CFAP46: variants seen among roughly 807,000 people sequenced by gnomAD.
The protein encoded by CFAP46 is cilia and flagella associated protein 46, also known as cilia- and flagella-associated protein 46.
In CFAP46, 245 loss-of-function variants were observed where a neutral mutation model predicts 325.7. The ratio of observed to expected loss-of-function variants is 0.75; its 90% CI spans 0.68 to 0.84. The LOEUF (loss-of-function observed/expected upper bound fraction) is 0.84. Among genes scored for constraint, CFAP46 ranks in the 40% least tolerant of loss-of-function variants. The pLI is 0.00. For synonymous variants in CFAP46, 1,523 were observed against 1,495.9 expected, an observed-to-expected ratio of 1.02 and a Z score of -0.42; for missense variants, 3,346 against 3,543.0, an observed-to-expected ratio of 0.94 and a Z score of 1.41.
chr10:132,853,392 G>C (rs540316352), intron 39 of CFAP46, among the ~76,000 whole-genome samples: 1 of 152,270 alleles, frequency 6.6e-6, no homozygotes, highest in African/African-American at 2.4e-5. Context: ...ACCTTGGCTT[G>C]GTTATGATGT....
chr10:132,825,725 T>C (rs1848034162), intron 50 of CFAP46, among the ~76,000 whole-genome samples: 1 of 151,960 alleles, frequency 6.6e-6, no homozygotes, highest in Non-Finnish European at 1.5e-5. Flanking sequence ...ATATAAACAA[T>C]AAAAATTATA....
At chr10:132,898,910 C>A in intron 24 of CFAP46, 49 bp downstream of exon 24, 1 of 1,545,302 alleles carries the variant, frequency 6.5e-7, no homozygotes, top group South Asian at 1.2e-5. Context: ...CTGGAAGACC[C>A]ACTAGAGGCC....
In CFAP46 at chr10:132,811,015, G is replaced by A. The variant is rs1299979600; in HGVS notation, c.7518C>T (p.Val2506=). The change falls in exon 56 of 58, where the codon GTC becomes GTT. Residue 2506 remains valine, a synonymous_variant. Coordinates refer to ENST00000368586, the MANE Select transcript of CFAP46 (RefSeq NM_001200049.3). ...GGTAGGACCGCGCCAGGTCCAGCAG[G>A]ACTGCCACCTGGCACTCTGCCGGGA... ...AMNLQECQVA[V]LLDLARSYQS... 6.2e-7 allele frequency: 1 copy of A among 1,602,172 alleles called. No homozygotes were observed. The highest frequency in any genetic ancestry group is 8.5e-7 in the Non-Finnish European group (1 of 1,174,880).
intron 26 of CFAP46, 127 bp from the exon 27 acceptor site, chr10:132,885,413 G>A (rs1421117905): frequency 1.0e-6 from 1 of 982,044 alleles, no homozygotes; most frequent in Non-Finnish European, 1.5e-6. Context: ...GAGCCCAGGT[G>A]AGCGGGGGTC....
At chr10:132,812,323 C>A (rs1458257598) in intron 55 of CFAP46, among the ~76,000 whole-genome samples, 2 of 152,358 alleles carry the variant, frequency 1.3e-5, no homozygotes, top group African/African-American at 4.8e-5. Flanking sequence ...CCAAGCATGG[C>A]AGGACCACAC....
At chr10:132,891,069 T>C (rs990173659) in intron 25 of CFAP46, among the ~76,000 whole-genome samples, 2 of 152,362 alleles carry the variant, frequency 1.3e-5, no homozygotes, top group South Asian at 2.1e-4. Context: ...TGTTTGTTTT[T>C]GCAGGAGTGT....
chr10:132,912,883 C>T, intron 18 of CFAP46, 63 bp from the exon 19 acceptor site: 2 of 1,530,782 alleles, frequency 1.3e-6, no homozygotes, highest in Non-Finnish European at 8.8e-7. Context: ...ATCCCATGTG[C>T]TGAGTCCTCA....
intron 45 of CFAP46, 129 bp downstream of exon 45, chr10:132,836,688 C>T (rs561325666): frequency 7.0e-5 from 55 of 787,690 alleles, no homozygotes; most frequent in Non-Finnish European, 9.9e-5. Flanking sequence ...TGGGACTGTC[C>T]GGGCGTTTCC....
rs576250380 is a variant in CFAP46 at position 132,919,380 on chromosome 10, C to T, written c.1793G>A (p.Arg598Gln). 1.5e-4 allele frequency: 228 copies of T among 1,550,120 alleles called. No homozygotes were observed. In the African/African-American group the frequency reaches 2.1e-3, roughly 14 times the overall value. Reference sequence around the variant, plus strand: ...CAGGAGGCAGAAGCGGCTCGCCGTCCGACAGACGTCCCACACGCCTTGTTT... The same window carrying T: ...CAGGAGGCAGAAGCGGCTCGCCGTCTGACAGACGTCCCACACGCCTTGTTT... ...ARKQGVWDVCRTASRFCLLYD... is the reference protein window; with the variant it reads ...ARKQGVWDVCQTASRFCLLYD... Residue 598 changes from arginine (R) to glutamine (Q), a missense_variant, in exon 15 of 58, where the codon CGG (arginine) becomes CAG (glutamine). Arg to Gln is a conservative substitution (Grantham distance 43). Transcript: ENST00000368586. This position sits in a 1 kb window ranked among gnomAD's most constrained non-coding sequence, Gnocchi z 9.7.
Position 132,808,772 on chromosome 10 carries a change from G to A in CFAP46, c.7797C>T (p.Leu2599=). ...GTGCTGGGGCCCCAGCAGCTGATGG[G>A]AGGCAGGTCCAGGCCTGCACTACCC... The part of the protein sequence containing the change: ...SHRVVQAWTC[L]PSAAGAPALA... The change falls in exon 58 of 58, where the codon CTC becomes CTT. Residue 2599 remains leucine (L), a synonymous_variant. Coordinates refer to ENST00000368586, the MANE Select transcript of CFAP46 (RefSeq NM_001200049.3). This position sits in a 1 kb window ranked among gnomAD's most constrained non-coding sequence, Gnocchi z 6.8. The A allele has an allele frequency of 6.3e-7, 1 of 1,593,202 alleles. No homozygotes were observed. The highest frequency in any genetic ancestry group is 8.5e-7 in the Non-Finnish European group (1 of 1,170,210).
intron 39 of CFAP46, among the ~76,000 whole-genome samples, chr10:132,854,330 G>GTT (rs1848607363): frequency 6.6e-6 from 1 of 151,700 alleles, no homozygotes; most frequent in Admixed American, 6.6e-5. Context: ...TCTGTGTTTT[G>GTT]TTTTGTTTTG....
chr10:132,911,361 A>G (rs1231071071), intron 19 of CFAP46, among the ~76,000 whole-genome samples: 1 of 152,200 alleles, frequency 6.6e-6, no homozygotes, highest in Non-Finnish European at 1.5e-5. Context: ...CCGCAGGCTC[A>G]AGACTCTCCA....
In CFAP46 at chr10:132,877,109, G is replaced by T; in HGVS notation, c.4213-148C>A. On this transcript the variant is annotated intron_variant, in intron 30 of 57. Transcript: ENST00000368586. The surrounding 1 kb of genome is among the most constrained non-coding windows in gnomAD (Gnocchi z 5.7). The stretch of plus-strand genomic sequence containing the variant: ...ACCACCAGGTCCCAGCGAGTGCCCA[G>T]ATCCAGCCTCTGATACTGTTTCCAG... 1 of 741,548 alleles carries T rather than the reference G, an allele frequency of 1.3e-6. No homozygotes were observed. Among genetic ancestry groups the T allele is most frequent in the Non-Finnish European group, 2.2e-6 (1 of 457,408 alleles). The allele number at this position is 741,548 out of a possible 1,614,324, so 45.9% of individuals were successfully genotyped here. A position where few individuals can be genotyped will look rare whatever the true frequency, so the allele number is the denominator to read the frequency against.
intron 33 of CFAP46, among the ~76,000 whole-genome samples, chr10:132,867,782 C>T (rs1268659820): frequency 3.3e-5 from 5 of 152,212 alleles, no homozygotes; most frequent in East Asian, 1.9e-4. Flanking sequence ...ATCTCTCCGG[C>T]GTGCCCAGCC....
At chr10:132,826,939 C>G (rs1394757950) in intron 50 of CFAP46, among the ~76,000 whole-genome samples, 1 of 152,212 alleles carries the variant, frequency 6.6e-6, no homozygotes, top group East Asian at 1.9e-4. Context: ...GCTGGGGAAG[C>G]AGGAGTGGCT....
At chr10:132,872,868 G>A (rs773055231) in intron 31 of CFAP46, 44 bp from the exon 32 acceptor site, 236 of 1,548,226 alleles carry the variant, frequency 1.5e-4, no homozygotes, top group Non-Finnish European at 2.0e-4. Context: ...AGGAGCGGGT[G>A]TAGACCACAA....
At position 132,817,333 on chromosome 10, in the gene CFAP46, G is replaced by A. The variant is rs58341977; in HGVS notation, c.7118-2419C>T. Among the ~76,000 whole-genome samples, 14,445 of 152,150 alleles carry A rather than the reference G, an allele frequency of 0.095. 866 individuals are homozygous for A. The highest frequency in any genetic ancestry group is 0.17 in the African/African-American group (6,945 of 41,490). On this transcript the variant is annotated intron_variant, in intron 50 of 57. Coordinates refer to ENST00000368586, the MANE Select transcript of CFAP46 (RefSeq NM_001200049.3). This position sits in a 1 kb window ranked among gnomAD's most constrained non-coding sequence, Gnocchi z 4.4. ...ATTTTCCCTTCTCTTGGTTTATCAC[G>A]TGGGGGTCATTTGTGACGGGCGTGC...
At chr10:132,882,166 G>A in intron 27 of CFAP46, among the ~76,000 whole-genome samples, 1 of 149,828 alleles carries the variant, frequency 6.7e-6, no homozygotes, top group Non-Finnish European at 1.5e-5. Flanking sequence ...GGTGTGAGTG[G>A]TGTGTGTGGG....
chr10:132,848,664 A>T (rs1462561073), intron 41 of CFAP46, among the ~76,000 whole-genome samples: 1 of 152,238 alleles, frequency 6.6e-6, no homozygotes, highest in Admixed American at 6.5e-5. Flanking sequence ...GGAAGTCACA[A>T]GAACAGCGAA....
Sources: gnomAD v4.1 joint callset for allele counts (sites outside exome capture counted in the v4.1 genomes callset) on GRCh38, gnomAD v4.1.1 for gene constraint, Gnocchi (gnomAD v3.1) non-coding constraint, MANE v1.5 for transcripts, NCBI Gene and HGNC (gene_info 2026-07-23, HGNC 2026-07-21) for gene names.